Variants in SIRPA observed in about 807,000 individuals in gnomAD.
The protein encoded by SIRPA is tyrosine-protein phosphatase non-receptor type substrate 1.
In SIRPA, 9 loss-of-function variants were observed where a neutral mutation model predicts 50.3. The ratio of observed to expected loss-of-function variants is 0.18; its 90% CI spans 0.11 to 0.31. The LOEUF is 0.31. Ranked by LOEUF, SIRPA falls within the 10% of genes least tolerant of loss-of-function variation. SIRPA has a pLI of 1.00. For missense variants in SIRPA, 474 were observed against 661.6 expected, an observed-to-expected ratio of 0.72 and a Z score of 3.11; for synonymous variants, 265 against 284.1, an observed-to-expected ratio of 0.93 and a Z score of 0.68.
upstream of SIRPA, chr20:1,895,257 G>A (rs1983710249): frequency 2.3e-6 from 1 of 439,612 alleles, no homozygotes; most frequent in Non-Finnish European, 4.0e-6. Flanking sequence ...TCTCCTGGGG[G>A]GCGGGGAGGG....
At chr20:1,908,521 C>G (rs1264794310) in intron 1 of SIRPA, among the ~76,000 whole-genome samples, 1 of 152,182 alleles carries the variant, frequency 6.6e-6, no homozygotes, top group Non-Finnish European at 1.5e-5. Flanking sequence ...GCCCCCCATT[C>G]AGACACAGTC....
intron 1 of SIRPA, 100 bp downstream of exon 1, chr20:1,895,626 T>C (rs909854870): frequency 1.2e-5 from 11 of 918,188 alleles, no homozygotes; most frequent in African/African-American, 7.0e-5. Flanking sequence ...CGAGCAGTAA[T>C]AGGGGGAGAG....
In SIRPA at chr20:1,937,769, C is replaced by A. The variant is rs73071223; in HGVS notation, c.*201C>A. 32,939 of 652,462 alleles carry A rather than the reference C, an allele frequency of 0.05. 953 individuals carry two copies. Among genetic ancestry groups the A allele is most frequent in the African/African-American group, 0.076 (4,199 of 54,992 alleles). 40.4% of individuals were successfully genotyped at this position (652,462 alleles called of 1,614,324 possible). A position where few individuals can be genotyped will look rare whatever the true frequency, so the allele number is the denominator to read the frequency against. ...CTGGGCAGCCACGGCCCCCTCCCCCCACATTGCCACATACCTGGAGGCTGA... is the reference window on the plus strand; with the variant it reads ...CTGGGCAGCCACGGCCCCCTCCCCCAACATTGCCACATACCTGGAGGCTGA... On this transcript the variant is annotated 3_prime_UTR_variant, in exon 8 of 8. Transcript: ENST00000358771. This position sits in a 1 kb window ranked among gnomAD's most constrained non-coding sequence, Gnocchi z 8.3.
chr20:1,915,583 T>G, intron 2 of SIRPA, 128 bp downstream of exon 2: 1 of 1,165,756 alleles, frequency 8.6e-7, no homozygotes, highest in Non-Finnish European at 1.2e-6. Flanking sequence ...TGTCTCCCCC[T>G]TTTACAAATA....
chr20:1,926,590 C>T (rs1005051610), intron 5 of SIRPA, among the ~76,000 whole-genome samples: 15 of 152,250 alleles, frequency 9.9e-5, no homozygotes, highest in Non-Finnish European at 1.6e-4. Context: ...TATCCCCCAG[C>T]AGTTCCAATG....
At chr20:1,922,983 T>C (rs569970960) in intron 4 of SIRPA, among the ~76,000 whole-genome samples, 129 of 152,274 alleles carry the variant, frequency 8.5e-4, no homozygotes, top group African/African-American at 3.0e-3. Context: ...CCAGCCCCTC[T>C]TCCCTACTCT....
chr20:1,897,526 A>G (rs963736423), intron 1 of SIRPA, among the ~76,000 whole-genome samples: 3 of 152,368 alleles, frequency 2.0e-5, no homozygotes, highest in African/African-American at 7.2e-5. Context: ...CATGGAATTT[A>G]CAACAAAGAA....
rs1984392711 is a variant in SIRPA, at chr20:1,904,002, T to C, written c.79+8476T>C. Reference sequence around the variant, plus strand: ...CAGGGCCTGACACACAGTAGGTGGGTTAATAGATACTGATTGAATGAAAGA... The same window carrying C: ...CAGGGCCTGACACACAGTAGGTGGGCTAATAGATACTGATTGAATGAAAGA... On this transcript the variant is annotated intron_variant, in intron 1 of 7. Coordinates refer to ENST00000358771, the MANE Select transcript of SIRPA (RefSeq NM_001040023.2). 4.6e-5 allele frequency among the ~76,000 whole-genome samples: 7 copies of C among 152,192 alleles called. No individual in the cohort carries two copies. In the South Asian group the frequency reaches 1.2e-3, roughly 27 times the overall value.
chr20:1,916,376 G>A lies in SIRPA; in HGVS notation c.436+921G>A, dbSNP rs553612827. On this transcript the variant is annotated intron_variant, in intron 2 of 7. Coordinates refer to ENST00000358771, the MANE Select transcript of SIRPA (RefSeq NM_001040023.2). ...ACAGGGGCCTTGTCCACAGTCATAG[G>A]CCCAGTTAGTGACAGGATCTGGACC... Among the ~76,000 whole-genome samples the A allele has an allele frequency of 6.0e-4, 91 of 152,270 alleles. 1 individual carries two copies. The South Asian group carries it at 0.012, about 21-fold the overall frequency.
chr20:1,921,734 C>G, intron 3 of SIRPA, 22 bp downstream of exon 3: 1 of 1,614,072 alleles, frequency 6.2e-7, no homozygotes. Flanking sequence ...TCACCCAGCC[C>G]AAGCCCACAC....
Position 1,933,215 on chromosome 20 carries a change from T to TA in SIRPA, c.1227-1499dup, listed in dbSNP as rs1986387099. The stretch of plus-strand genomic sequence containing the variant: ...CAGCAATAGAAACCAGATATGCAGA[T>TA]AGACAGGAGATCTGAGATTGTCATG... On this transcript the variant is annotated intron_variant, in intron 6 of 7. Transcript: ENST00000358771. This position sits in a 1 kb window ranked among gnomAD's most constrained non-coding sequence, Gnocchi z 4.4. 6.6e-6 allele frequency among the ~76,000 whole-genome samples: 1 copy of TA among 152,076 alleles called. No homozygotes were observed. Among genetic ancestry groups the TA allele is most frequent in the Admixed American group, 6.5e-5 (1 of 15,272 alleles).
upstream of SIRPA, chr20:1,895,348 G>C: frequency 1.4e-6 from 1 of 699,716 alleles, no homozygotes; most frequent in Non-Finnish European, 2.1e-6. Context: ...AGCCGGGAGG[G>C]GGGAAGGGGG....
Position 1,939,206 on chromosome 20 carries a change from C to T in SIRPA, c.*1638C>T, listed in dbSNP as rs374289949. 1.3e-4 allele frequency: 20 copies of T among 152,286 alleles called. No individual in the cohort carries two copies. The East Asian group carries it at 2.9e-3, about 22-fold the overall frequency. The allele number at this position is 152,286 out of a possible 1,614,324, so 9.4% of individuals were successfully genotyped here. ...TTCACTATAACTCTTAGAGTTGAGA[C>T]GCTAATGTTCATGACTCCTGGCCTT... On this transcript the variant is annotated 3_prime_UTR_variant, in exon 8 of 8. Coordinates refer to ENST00000358771, the MANE Select transcript of SIRPA (RefSeq NM_001040023.2). This position sits in a 1 kb window ranked among gnomAD's most constrained non-coding sequence, Gnocchi z 4.7.
intron 5 of SIRPA, among the ~76,000 whole-genome samples, chr20:1,926,554 C>T (rs1985992569): frequency 1.3e-5 from 2 of 152,250 alleles, no homozygotes; most frequent in Non-Finnish European, 2.9e-5. Context: ...CTCTCAAACA[C>T]AGGCTCCAGT....
chr20:1,927,797 C>G lies in SIRPA; in HGVS notation c.1202-78C>G. The G allele has an allele frequency of 7.3e-7, 1 of 1,375,228 alleles. No individual in the cohort carries two copies. 85.2% of individuals were successfully genotyped at this position (1,375,228 alleles called of 1,614,324 possible). On this transcript the variant is annotated intron_variant, in intron 5 of 7. Transcript: ENST00000358771. The surrounding 1 kb of genome is among the most constrained non-coding windows in gnomAD (Gnocchi z 6.5). The stretch of plus-strand genomic sequence containing the variant: ...TCCTCTCCATGTCCCTGGAGGCAAA[C>G]CTTTTGCCAAAAAATAGTTACATAA...
rs1318528545 is a variant in SIRPA, at chr20:1,898,062, C to A, written c.79+2536C>A. ...GCCTTGAGACCTCTGAGTCACCCCC[C>A]AGGCCGACCTCAGATAAACTCCCAT... On this transcript the variant is annotated intron_variant, in intron 1 of 7. Transcript: ENST00000358771. This position sits in a 1 kb window ranked among gnomAD's most constrained non-coding sequence, Gnocchi z 4.3. Among the ~76,000 whole-genome samples, 2 of 152,244 alleles carry A rather than the reference C, an allele frequency of 1.3e-5. No individual in the cohort carries two copies. The highest frequency in any genetic ancestry group is 2.4e-5 in the African/African-American group (1 of 41,460).
At position 1,898,172 on chromosome 20, in the gene SIRPA, T is replaced by C. The variant is rs77314389; in HGVS notation, c.79+2646T>C. ...GCAGCGGGGCCCCCCAGTGAACCTCTCACCGTTTGGTAGAGGGTGGCACTC... is the reference window on the plus strand; with the variant it reads ...GCAGCGGGGCCCCCCAGTGAACCTCCCACCGTTTGGTAGAGGGTGGCACTC... On this transcript the variant is annotated intron_variant, in intron 1 of 7. Coordinates refer to ENST00000358771, the MANE Select transcript of SIRPA (RefSeq NM_001040023.2). This position sits in a 1 kb window ranked among gnomAD's most constrained non-coding sequence, Gnocchi z 4.3. Among the ~76,000 whole-genome samples the C allele has an allele frequency of 1.8e-3, 274 of 152,376 alleles. 1 individual carries two copies. The highest frequency in any genetic ancestry group is 6.3e-3 in the African/African-American group (260 of 41,594).
In SIRPA at chr20:1,938,366, G is replaced by C. The variant is rs1274456889; in HGVS notation, c.*798G>C. ...TCGCTGTGGACGCCTGTAAATTACT[G>C]AGAAATGTGAAACGTGCAATCTTGA... is the stretch of plus-strand genomic sequence containing the variant. On this transcript the variant is annotated 3_prime_UTR_variant, in exon 8 of 8. Transcript: ENST00000358771. 1 of 152,696 alleles carries C rather than the reference G, an allele frequency of 6.5e-6. No homozygotes were observed. The highest frequency in any genetic ancestry group is 2.4e-5 in the African/African-American group (1 of 41,450). The allele number at this position is 152,696 out of a possible 1,614,324, so 9.5% of individuals were successfully genotyped here.
At chr20:1,909,242 C>T (rs1568497593) in intron 1 of SIRPA, among the ~76,000 whole-genome samples, 1 of 152,244 alleles carries the variant, frequency 6.6e-6, no homozygotes, top group Non-Finnish European at 1.5e-5. Context: ...AAACAGGTGG[C>T]CTCCTGCCTG....
Sources: allele counts gnomAD v4.1 joint callset (sites outside exome capture counted in the v4.1 genomes callset), GRCh38; gene constraint gnomAD v4.1.1; non-coding constraint Gnocchi (gnomAD v3.1); transcripts MANE v1.5; gene names NCBI Gene and HGNC (gene_info 2026-07-23, HGNC 2026-07-21).